SCNN1B: variants seen among roughly 807,000 people sequenced by gnomAD.
SCNN1B encodes the protein sodium channel epithelial 1 subunit beta.
Under a neutral mutation model 65.3 loss-of-function variants are expected in SCNN1B, and 46 were observed. The observed-to-expected ratio is 0.70, with a 90% CI of 0.56 to 0.90. The LOEUF (loss-of-function observed/expected upper bound fraction) is 0.90. Ranked by LOEUF, SCNN1B falls within the 40% of genes least tolerant of loss-of-function variation. The pLI is 0.00. For synonymous variants in SCNN1B, 349 were observed against 330.6 expected, an observed-to-expected ratio of 1.06 and a Z score of -0.60; for missense variants, 751 against 830.5, an observed-to-expected ratio of 0.90 and a Z score of 1.18.
intron 1 of SCNN1B, among the ~76,000 whole-genome samples, chr16:23,312,235 G>T (rs1479688114): frequency 6.6e-6 from 1 of 152,184 alleles, no homozygotes; most frequent in Non-Finnish European, 1.5e-5. Flanking sequence ...CTCACAAAGT[G>T]TTGGGATTAT....
chr16:23,352,308 G>A (rs1462042426), intron 2 of SCNN1B, among the ~76,000 whole-genome samples: 1 of 152,186 alleles, frequency 6.6e-6, no homozygotes, highest in Non-Finnish European at 1.5e-5. Context: ...TAGGTGGGGT[G>A]TTCTTCTTAT....
intron 7 of SCNN1B, among the ~76,000 whole-genome samples, chr16:23,373,275 T>C (rs1424156533): frequency 6.6e-6 from 1 of 152,058 alleles, no homozygotes. Flanking sequence ...TGAGCCACTG[T>C]CCCTGGCTAA....
At chr16:23,352,763 T>A in intron 2 of SCNN1B, 38 bp from the exon 3 acceptor site, 1 of 1,612,394 alleles carries the variant, frequency 6.2e-7, no homozygotes, top group Non-Finnish European at 8.5e-7. Context: ...TTTACAGATA[T>A]GCATTCCTTC....
intron 1 of SCNN1B, chr16:23,303,930 A>C (rs1484191622): frequency 2.7e-6 from 2 of 741,612 alleles, no homozygotes; most frequent in East Asian, 2.7e-5. Flanking sequence ...GAAAAATAGA[A>C]CTAGAAGTAG....
In SCNN1B at chr16:23,348,825, A is replaced by AC; in HGVS notation, c.226_227insC (p.Ser76ThrfsTer26). 6.2e-7 allele frequency: 1 copy of AC among 1,614,072 alleles called. No homozygotes were observed. Among genetic ancestry groups the AC allele is most frequent in the Non-Finnish European group, 8.5e-7 (1 of 1,180,022 alleles). Reference sequence around the variant, plus strand: ...GGGCATCTTCATCAGGACCTACTTGAGCTGGGAGGTCAGCGTCTCCCTCTC... The same window carrying AC: ...GGGCATCTTCATCAGGACCTACTTGACGCTGGGAGGTCAGCGTCTCCCTCTC... On this transcript the variant is annotated frameshift_variant, in exon 2 of 13. Coordinates refer to ENST00000343070, the MANE Select transcript of SCNN1B (RefSeq NM_000336.3). LOFTEE classifies it high-confidence loss of function. The surrounding 1 kb of genome is among the most constrained non-coding windows in gnomAD (Gnocchi z 4.5).
At chr16:23,312,131 TTC>T (rs1163993074) in intron 1 of SCNN1B, among the ~76,000 whole-genome samples, 1 of 152,150 alleles carries the variant, frequency 6.6e-6, no homozygotes, top group Non-Finnish European at 1.5e-5. Context: ...TTAAAACATT[TTC>T]TTTCCTTTCT....
In SCNN1B at chr16:23,371,369, G is replaced by T. The variant is rs1157591150; in HGVS notation, c.951G>T (p.Arg317Ser). 11 of 1,614,022 alleles carry T rather than the reference G, an allele frequency of 6.8e-6. No homozygotes were observed. The highest frequency in any genetic ancestry group is 9.3e-6 in the Non-Finnish European group (11 of 1,180,014). Residue 317 changes from arginine to serine, a missense_variant, in exon 6 of 13, where the codon AGG becomes AGT. Coordinates refer to ENST00000343070, the MANE Select transcript of SCNN1B (RefSeq NM_000336.3). ...VPFLASTAGV[R>S]LMLHEQRSYP... ...TCCTTGCGTCCACGGCCGGGGTCAG[G>T]CTGATGCTTCACGAGCAGAGGTCAT... is the stretch of plus-strand genomic sequence containing the variant.
intron 1 of SCNN1B, among the ~76,000 whole-genome samples, chr16:23,305,320 A>G (rs1961171444): frequency 6.6e-6 from 1 of 151,396 alleles, no homozygotes; most frequent in African/African-American, 2.4e-5. Flanking sequence ...ATCAGTTCAT[A>G]TAAGACTCCA....
intron 1 of SCNN1B, among the ~76,000 whole-genome samples, chr16:23,278,514 G>A (rs1960736649): frequency 6.6e-6 from 1 of 152,134 alleles, no homozygotes; most frequent in Middle Eastern, 3.4e-3. Flanking sequence ...GTCCAGAATA[G>A]GTAAATCCAT....
At chr16:23,325,144 C>T (rs1961667257) in intron 1 of SCNN1B, among the ~76,000 whole-genome samples, 1 of 152,206 alleles carries the variant, frequency 6.6e-6, no homozygotes, top group Admixed American at 6.5e-5. Context: ...TGGTTCACTC[C>T]ATCCCCAGCA....
At chr16:23,323,821 A>T (rs1961637441) in intron 1 of SCNN1B, among the ~76,000 whole-genome samples, 1 of 152,144 alleles carries the variant, frequency 6.6e-6, no homozygotes, top group African/African-American at 2.4e-5. Flanking sequence ...AGCCTCAGGG[A>T]AGTGCAGGCC....
At chr16:23,318,900 T>C (rs150703825) in intron 1 of SCNN1B, among the ~76,000 whole-genome samples, 152 of 152,324 alleles carry the variant, frequency 1.0e-3, no homozygotes, top group African/African-American at 3.6e-3. Flanking sequence ...TGGTACTTGA[T>C]TGGGCCTTGT....
At chr16:23,312,452 G>A (rs1042711306) in intron 1 of SCNN1B, among the ~76,000 whole-genome samples, 1 of 151,980 alleles carries the variant, frequency 6.6e-6, no homozygotes, top group Admixed American at 6.6e-5. Flanking sequence ...GGAATTTGAG[G>A]GGACCGTGAG....
intron 10 of SCNN1B, among the ~76,000 whole-genome samples, chr16:23,377,908 C>G (rs958540527): frequency 2.6e-5 from 4 of 152,124 alleles, no homozygotes; most frequent in African/African-American, 9.7e-5. Flanking sequence ...AGATCACAAG[C>G]AGAAATAAAA....
chr16:23,369,247 G>T (rs1240200423), intron 5 of SCNN1B, among the ~76,000 whole-genome samples: 1 of 151,982 alleles, frequency 6.6e-6, no homozygotes, highest in African/African-American at 2.4e-5. Context: ...AGCTAGGATT[G>T]CAGGTGGCTA....
chr16:23,317,025 A>G (rs1053431448), intron 1 of SCNN1B, among the ~76,000 whole-genome samples: 1 of 152,214 alleles, frequency 6.6e-6, no homozygotes, highest in African/African-American at 2.4e-5. Flanking sequence ...GGGGTAACAG[A>G]CCCAAAGGAC....
intron 1 of SCNN1B, among the ~76,000 whole-genome samples, chr16:23,330,374 G>C (rs976217869): frequency 6.6e-6 from 1 of 152,152 alleles, no homozygotes; most frequent in Non-Finnish European, 1.5e-5. Context: ...ATTGGCCCAC[G>C]TGTGAGGTTG....
chr16:23,282,056 T>C (rs1177688740), intron 1 of SCNN1B, among the ~76,000 whole-genome samples: 3 of 151,900 alleles, frequency 2.0e-5, no homozygotes, highest in East Asian at 3.9e-4. Flanking sequence ...TAGCCTGGCA[T>C]GGAGACTCCA....
At chr16:23,367,789 G>A (rs1304058690) in intron 4 of SCNN1B, 67 bp from the exon 5 acceptor site, 38 of 1,220,892 alleles carry the variant, frequency 3.1e-5, no homozygotes, top group East Asian at 4.6e-5. Flanking sequence ...AAAGGTGGAC[G>A]GCAGACAGTC....
Sources: gnomAD v4.1 joint callset for allele counts (sites outside exome capture counted in the v4.1 genomes callset) on GRCh38, gnomAD v4.1.1 for gene constraint, Gnocchi (gnomAD v3.1) non-coding constraint, MANE v1.5 for transcripts, NCBI Gene and HGNC (gene_info 2026-07-23, HGNC 2026-07-21) for gene names.